AGXT2: variants seen among roughly 807,000 people sequenced by gnomAD.
AGXT2 encodes the protein alanine--glyoxylate aminotransferase 2, mitochondrial.
Under a neutral mutation model 62.5 loss-of-function variants are expected in AGXT2, and 61 were observed. The observed-to-expected ratio is 0.98, with a 90% CI of 0.79 to 1.21. The LOEUF is 1.21. Among genes scored for constraint, AGXT2 ranks in the 50% most tolerant of loss-of-function variants. AGXT2 has a pLI of 0.00. For missense variants in AGXT2, 666 were observed against 641.5 expected, an observed-to-expected ratio of 1.04 and a Z score of -0.41; for synonymous variants, 243 against 218.7, an observed-to-expected ratio of 1.11 and a Z score of -0.98.
intron 9 of AGXT2, among the ~76,000 whole-genome samples, chr5:35,021,861 T>G (rs1341799288): frequency 6.6e-6 from 1 of 152,032 alleles, no homozygotes; most frequent in Non-Finnish European, 1.5e-5. Flanking sequence ...TACAATGAAC[T>G]CTAACAAATT....
At chr5:35,019,871 TA>T (rs1204556386) in intron 9 of AGXT2, among the ~76,000 whole-genome samples, 7 of 151,900 alleles carry the variant, frequency 4.6e-5, no homozygotes, top group Middle Eastern at 3.4e-3. Flanking sequence ...ATAGATGCAA[TA>T]AAAAATGATA....
chr5:35,047,022 C>T (rs1190747758), intron 1 of AGXT2, among the ~76,000 whole-genome samples: 2 of 152,134 alleles, frequency 1.3e-5, no homozygotes, highest in African/African-American at 4.8e-5. Flanking sequence ...ATGGGGAGGG[C>T]CTGGGGTCAA....
At chr5:35,038,387 T>C (rs868535405) in intron 3 of AGXT2, among the ~76,000 whole-genome samples, 1 of 152,272 alleles carries the variant, frequency 6.6e-6, no homozygotes, top group Non-Finnish European at 1.5e-5. Flanking sequence ...ACTCATTTTC[T>C]ATTCCATTTT....
chr5:35,035,820 T>C (rs906146881), intron 4 of AGXT2, among the ~76,000 whole-genome samples: 5 of 152,220 alleles, frequency 3.3e-5, no homozygotes, highest in African/African-American at 1.2e-4. Flanking sequence ...CTCACGCCTG[T>C]AATCCCAGCA....
chr5:35,026,329 G>A (rs1767346492), intron 8 of AGXT2, 81 bp downstream of exon 8: 4 of 1,153,014 alleles, frequency 3.5e-6, no homozygotes, highest in African/African-American at 3.1e-5. Flanking sequence ...AATTCATTTG[G>A]AATTCTCTAG....
intron 1 of AGXT2, among the ~76,000 whole-genome samples, chr5:35,042,795 A>G (rs1322387965): frequency 6.7e-6 from 1 of 150,172 alleles, no homozygotes; most frequent in East Asian, 2.0e-4. Flanking sequence ...GTGGAGGGGA[A>G]GGAATGAATG....
chr5:35,047,737 C>T, intron 1 of AGXT2, 68 bp downstream of exon 1: 1 of 1,577,384 alleles, frequency 6.3e-7, no homozygotes, highest in Admixed American at 1.8e-5. Context: ...AGGCAGCAGC[C>T]TTCGGAGCTC....
intron 10 of AGXT2, among the ~76,000 whole-genome samples, chr5:35,013,371 C>T (rs1257197696): frequency 6.6e-6 from 1 of 152,212 alleles, no homozygotes; most frequent in Non-Finnish European, 1.5e-5. Flanking sequence ...AGAGCCCTCT[C>T]CCACCCCTCT....
rs566767423 is a variant in AGXT2 at position 35,002,913 on chromosome 5, T to C, written c.1437+850A>G. 2.6e-5 allele frequency among the ~76,000 whole-genome samples: 4 copies of C among 152,230 alleles called. No individual in the cohort carries two copies. In the South Asian group the frequency reaches 8.3e-4, roughly 32 times the overall value. On this transcript the variant is annotated intron_variant, in intron 13 of 13. Coordinates refer to ENST00000231420, the MANE Select transcript of AGXT2 (RefSeq NM_031900.4). The stretch of plus-strand genomic sequence containing the variant: ...GATATTTCAGTATCCACTGAAGTTG[T>C]GAGAGGCAGGGATGGAGCAGGGAAA...
chr5:35,031,127 T>TA (rs1767546137), intron 7 of AGXT2, among the ~76,000 whole-genome samples: 1 of 152,182 alleles, frequency 6.6e-6, no homozygotes, highest in Non-Finnish European at 1.5e-5. Flanking sequence ...AGCTTGGGTT[T>TA]ATCTTGACGG....
At chr5:35,013,153 C>A in intron 10 of AGXT2, 108 bp from the exon 11 acceptor site, 2 of 938,902 alleles carry the variant, frequency 2.1e-6, no homozygotes, top group South Asian at 1.4e-5. Context: ...GGCATCCAAT[C>A]CAATTCATCC....
rs1767611045 is a variant in AGXT2 at position 35,032,648 on chromosome 5, T to G, written c.769+84A>C. ...CCTTTTCCATGTTTTCAAATTCAAT[T>G]GTTCCCTCAGGGATGGGTCTGCCTT... On this transcript the variant is annotated intron_variant, in intron 7 of 13. Coordinates refer to ENST00000231420, the MANE Select transcript of AGXT2 (RefSeq NM_031900.4). 2.0e-5 allele frequency: 25 copies of G among 1,234,548 alleles called. No individual in the cohort carries two copies. The South Asian group carries it at 3.2e-4, about 16-fold the overall frequency. 76.5% of individuals were successfully genotyped at this position (1,234,548 alleles called of 1,614,324 possible).
intron 1 of AGXT2, among the ~76,000 whole-genome samples, chr5:35,046,715 G>C (rs927582249): frequency 6.6e-6 from 1 of 152,114 alleles, no homozygotes; most frequent in Non-Finnish European, 1.5e-5. Context: ...AAGGAAGGAG[G>C]GTGAAAGGGA....
chr5:35,005,505 G>A (rs1217934377), intron 12 of AGXT2, among the ~76,000 whole-genome samples: 2 of 152,148 alleles, frequency 1.3e-5, no homozygotes, highest in Non-Finnish European at 2.9e-5. Flanking sequence ...GATTACAGGT[G>A]TGAGCCACCG....
At chr5:35,024,439 A>G (rs948816424) in intron 9 of AGXT2, among the ~76,000 whole-genome samples, 6 of 152,198 alleles carry the variant, frequency 3.9e-5, no homozygotes, top group African/African-American at 1.4e-4. Flanking sequence ...ACACTCTAAT[A>G]TGAGGTGTGA....
chr5:35,035,689 T>A (rs168249), intron 4 of AGXT2, among the ~76,000 whole-genome samples: 6 of 152,130 alleles, frequency 3.9e-5, no homozygotes, highest in Non-Finnish European at 5.9e-5. Flanking sequence ...CCCAGTCACC[T>A]GATTCTAAAG....
chr5:35,003,828 T>A lies in AGXT2; in HGVS notation c.1372A>T (p.Asn458Tyr), dbSNP rs763023752. The A allele has an allele frequency of 3.1e-6, 5 of 1,614,220 alleles. No individual in the cohort carries two copies. The Admixed American group carries it at 5.0e-5, about 16-fold the overall frequency. ...TGCTTGCAGTCCTCATGGATCTGAT[T>A]TACTTCTTCACGGGGAAGAGGCCGA... is the stretch of plus-strand genomic sequence containing the variant. ...SCRPLPREEV[N>Y]QIHEDCKHMG... The change falls in exon 13 of 14, where the codon AAT (asparagine) becomes TAT (tyrosine). Residue 458 changes from asparagine (N) to tyrosine (Y), a missense_variant. Physicochemically the swap from Asn to Tyr is moderately radical, Grantham distance 143. Transcript: ENST00000231420.
At position 35,017,704 on chromosome 5, in the gene AGXT2, C is replaced by T. The variant is rs142052862; in HGVS notation, c.964-3585G>A. On this transcript the variant is annotated intron_variant, in intron 9 of 13. Transcript: ENST00000231420. ...AAGGAACGCAGTTCCTCACCAGTAA[C>T]GGAACAAAGCTGGACGGAGAATGAC... 3.3e-3 allele frequency among the ~76,000 whole-genome samples: 504 copies of T among 152,264 alleles called. 4 individuals are homozygous for T. The highest frequency in any genetic ancestry group is 0.012 in the African/African-American group (487 of 41,538).
chr5:35,014,089 G>C lies in AGXT2; in HGVS notation c.994C>G (p.His332Asp). 1.2e-6 allele frequency: 2 copies of C among 1,614,106 alleles called. No individual in the cohort carries two copies. Among genetic ancestry groups the C allele is most frequent in the African/African-American group, 2.7e-5 (2 of 75,030 alleles). The change falls in exon 10 of 14, where the codon CAC becomes GAC. Residue 332 changes from histidine (H) to aspartate (D), a missense_variant. By Grantham distance (81) the His-to-Asp change is moderately conservative. Coordinates refer to ENST00000231420, the MANE Select transcript of AGXT2 (RefSeq NM_031900.4). ...VQTGFGRLGS[H>D]FWGFQTHDVL... ...TCGTGGGTTTGGAAGCCCCAGAAGT[G>C]AGAGCCCAACCTTCCAAATCCTGTC...
Sources: allele counts gnomAD v4.1 joint callset (sites outside exome capture counted in the v4.1 genomes callset), GRCh38; gene constraint gnomAD v4.1.1; transcripts MANE v1.5; gene names NCBI Gene and HGNC (gene_info 2026-07-23, HGNC 2026-07-21).